LBH: variants seen among roughly 807,000 people sequenced by gnomAD.
LBH encodes the protein LBH regulator of Wnt signaling pathway.
A neutral mutation model predicts 12.5 loss-of-function variants in LBH; 7 were observed. That is an observed-to-expected ratio of 0.56 (90% CI 0.32 to 1.05). LBH has a LOEUF of 1.05. LBH is among the 50% of genes least tolerant of loss of function. The pLI is 0.04. For synonymous variants in LBH, 51 were observed against 50.1 expected (o/e 1.02, Z -0.08); for missense variants, 119 against 138.9 (o/e 0.86, Z 0.72).
chr2:30,246,343 A>T (rs1404376420), intron 2 of LBH, among the ~76,000 whole-genome samples: 1 of 152,074 alleles, frequency 6.6e-6, no homozygotes, highest in Non-Finnish European at 1.5e-5. Flanking sequence ...CTTAAAACTT[A>T]TTTTAGGACT....
At chr2:30,247,241 C>CTTAG (rs149185519) in intron 2 of LBH, among the ~76,000 whole-genome samples, 8,050 of 152,174 alleles carry the variant, frequency 0.053, 724 homozygotes, top group African/African-American at 0.18. Context: ...TTTACCCATG[C>CTTAG]TTAGTGTAAT....
At chr2:30,238,652 G>T (rs1413267123) in intron 2 of LBH, among the ~76,000 whole-genome samples, 2 of 152,204 alleles carry the variant, frequency 1.3e-5, no homozygotes, top group Non-Finnish European at 2.9e-5. Flanking sequence ...GGGAGGGAGT[G>T]ATGTCCTAGT....
rs1678110856 is a variant in LBH, at chr2:30,257,718, T to C, written c.*97T>C. 1.1e-6 allele frequency: 1 copy of C among 878,048 alleles called. No individual in the cohort carries two copies. 54.4% of individuals were successfully genotyped at this position (878,048 alleles called of 1,614,324 possible). A position where few individuals can be genotyped will look rare whatever the true frequency, so the allele number is the denominator to read the frequency against. On this transcript the variant is annotated 3_prime_UTR_variant, in exon 3 of 3. Coordinates refer to ENST00000395323, the MANE Select transcript of LBH (RefSeq NM_030915.4). ...GAAGAAGAGAGTGAGCCGCAATTGT[T>C]CTGAAAATGTCAAACGAGGCTTCTG...
intron 1 of LBH, among the ~76,000 whole-genome samples, chr2:30,231,974 G>T (rs569227715): frequency 1.4e-4 from 21 of 151,566 alleles, no homozygotes; most frequent in African/African-American, 5.1e-4. Context: ...GACAAAGGAC[G>T]TGAACTCGGA....
chr2:30,232,418 C>A, intron 1 of LBH: 1 of 670,474 alleles, frequency 1.5e-6, no homozygotes, highest in Non-Finnish European at 2.3e-6. Flanking sequence ...GGAGCCCGGG[C>A]CGGGCGCGGG....
chr2:30,231,594 G>T lies in LBH; in HGVS notation c.-145G>T. ...ACCTTGCCGACGTCGCTAGCCGTGG[G>T]GCTGTCCTGGGAAGGCGGACGGCGA... On this transcript the variant is annotated 5_prime_UTR_variant, in exon 1 of 3. Transcript: ENST00000395323. 1.3e-6 allele frequency: 1 copy of T among 740,962 alleles called. No individual in the cohort carries two copies. 45.9% of individuals were successfully genotyped at this position (740,962 alleles called of 1,614,324 possible). A position where few individuals can be genotyped will look rare whatever the true frequency, so the allele number is the denominator to read the frequency against.
chr2:30,232,502 G>C (rs1377179804), intron 1 of LBH: 1 of 346,260 alleles, frequency 2.9e-6, no homozygotes, highest in Admixed American at 4.8e-5. Context: ...CTGACTGCTG[G>C]GACTTCCTTG....
intron 1 of LBH, among the ~76,000 whole-genome samples, chr2:30,233,363 C>T (rs990348240): frequency 6.6e-6 from 1 of 152,216 alleles, no homozygotes; most frequent in Admixed American, 6.5e-5. Flanking sequence ...GAGCCTAGAA[C>T]CTATTGCTTC....
At chr2:30,246,605 A>G (rs143224752) in intron 2 of LBH, among the ~76,000 whole-genome samples, 9 of 152,352 alleles carry the variant, frequency 5.9e-5, no homozygotes, top group African/African-American at 2.2e-4. Context: ...ATAGAAGACT[A>G]GGCTAGACTC....
rs1256822850 is a variant in LBH, at chr2:30,234,421, T to G, written c.43T>G (p.Ser15Ala). ...FPIHCPDYLRSAKMTEVMMNT... is the reference protein window; with the variant it reads ...FPIHCPDYLRAAKMTEVMMNT... Reference sequence around the variant, plus strand: ...TCTTGGCAGCCCCGACTATCTGAGATCGGCCAAGATGACTGAGGTGATGAT... The same window carrying G: ...TCTTGGCAGCCCCGACTATCTGAGAGCGGCCAAGATGACTGAGGTGATGAT... The change falls in exon 2 of 3, where the codon TCG becomes GCG. Residue 15 changes from serine to alanine, a missense_variant. Coordinates refer to ENST00000395323, the MANE Select transcript of LBH (RefSeq NM_030915.4). 6.2e-7 allele frequency: 1 copy of G among 1,614,102 alleles called. No homozygotes were observed. Among genetic ancestry groups the G allele is most frequent in the South Asian group, 1.1e-5 (1 of 91,074 alleles).
At chr2:30,232,192 A>C (rs1035075914) in intron 1 of LBH, 41 of 1,299,248 alleles carry the variant, frequency 3.2e-5, no homozygotes, top group Non-Finnish European at 3.9e-5. Context: ...GGCCGGCAGC[A>C]GCGGGGCTGA....
intron 2 of LBH, among the ~76,000 whole-genome samples, chr2:30,244,248 T>C (rs1172283254): frequency 6.6e-6 from 1 of 152,118 alleles, no homozygotes; most frequent in African/African-American, 2.4e-5. Flanking sequence ...GCCCCTCGGG[T>C]ATGGCAGTTG....
intron 1 of LBH, chr2:30,233,019 T>A (rs1268893161): frequency 6.6e-6 from 1 of 152,314 alleles, no homozygotes; most frequent in Admixed American, 6.5e-5. Context: ...ACCCTTCTTG[T>A]GGGTGCCCCT....
intron 2 of LBH, among the ~76,000 whole-genome samples, chr2:30,247,738 C>A (rs974394751): frequency 6.6e-6 from 1 of 152,190 alleles, no homozygotes; most frequent in African/African-American, 2.4e-5. Context: ...GTGGTTGAGT[C>A]AATATTTAAT....
chr2:30,249,639 C>T (rs1456396437), intron 2 of LBH, among the ~76,000 whole-genome samples: 1 of 152,206 alleles, frequency 6.6e-6, no homozygotes, highest in Admixed American at 6.5e-5. Context: ...AATGAAGTTG[C>T]AGCCATTTCT....
At chr2:30,236,590 A>T (rs74848763) in intron 2 of LBH, among the ~76,000 whole-genome samples, 1 of 152,202 alleles carries the variant, frequency 6.6e-6, no homozygotes. Flanking sequence ...TGCCTGGTGA[A>T]GAGGAAAGGG....
chr2:30,232,645 G>A (rs1418305905), intron 1 of LBH: 1 of 159,498 alleles, frequency 6.3e-6, no homozygotes, highest in African/African-American at 2.4e-5. Flanking sequence ...GCTGAGCGAA[G>A]GGAAAACCGG....
chr2:30,244,340 T>TA (rs1677839800), intron 2 of LBH, among the ~76,000 whole-genome samples: 1 of 152,308 alleles, frequency 6.6e-6, no homozygotes, highest in East Asian at 1.9e-4. Context: ...TTAATAATGC[T>TA]TATACTACTT....
At position 30,231,682 on chromosome 2, in the gene LBH, G is replaced by A; in HGVS notation, c.-57G>A. The A allele has an allele frequency of 6.4e-7, 1 of 1,551,418 alleles. No individual in the cohort carries two copies. Among genetic ancestry groups the A allele is most frequent in the Non-Finnish European group, 8.8e-7 (1 of 1,133,058 alleles). On this transcript the variant is annotated 5_prime_UTR_variant, in exon 1 of 3. Coordinates refer to ENST00000395323, the MANE Select transcript of LBH (RefSeq NM_030915.4). ...TCTGCGCCCGTGTCATCCTCACTCG[G>A]GACGCAGGGACCGTTTTTAAATCAC...
Sources: gnomAD v4.1 joint callset for allele counts (sites outside exome capture counted in the v4.1 genomes callset) on GRCh38, gnomAD v4.1.1 for gene constraint, MANE v1.5 for transcripts, NCBI Gene and HGNC (gene_info 2026-07-23, HGNC 2026-07-21) for gene names.